CADM2: variants seen among roughly 807,000 people sequenced by gnomAD.
CADM2 encodes the protein cell adhesion molecule 2.
In CADM2, 12 loss-of-function variants were observed where a neutral mutation model predicts 49.8. That is an observed-to-expected ratio of 0.24 (90% CI 0.15 to 0.39). The LOEUF is 0.39. Ranked by LOEUF, CADM2 falls within the 10% of genes least tolerant of loss-of-function variation. The probability of loss-of-function intolerance (pLI) is 1.00; values close to 1 mark genes in which losing one functional copy is unlikely to be tolerated. For synonymous variants in CADM2, 214 were observed against 175.4 expected (o/e 1.22, Z -1.74); for missense variants, 378 against 492.3 (o/e 0.77, Z 2.20).
chr3:85,384,603 C>T (rs1163250649), intron 1 of CADM2, among the ~76,000 whole-genome samples: 1 of 151,918 alleles, frequency 6.6e-6, no homozygotes, highest in Non-Finnish European at 1.5e-5. Flanking sequence ...CGTCAGCCAC[C>T]GCGCCCGCCC....
intron 3 of CADM2, among the ~76,000 whole-genome samples, chr3:85,882,480 G>A (rs1368647836): frequency 1.3e-5 from 2 of 152,008 alleles, no homozygotes; most frequent in Non-Finnish European, 2.9e-5. Flanking sequence ...GATTTTCCTC[G>A]GGTGCTGGTG....
At chr3:85,914,893 T>G (rs1417267934) in intron 6 of CADM2, among the ~76,000 whole-genome samples, 1 of 152,070 alleles carries the variant, frequency 6.6e-6, no homozygotes, top group Non-Finnish European at 1.5e-5. Flanking sequence ...AAAATGAAAA[T>G]ATTGTAGGTT....
At chr3:85,623,348 T>C (rs959737967) in intron 1 of CADM2, among the ~76,000 whole-genome samples, 1 of 152,192 alleles carries the variant, frequency 6.6e-6, no homozygotes, top group Non-Finnish European at 1.5e-5. Flanking sequence ...ATTTTGATTA[T>C]ACGTTATATG....
intron 1 of CADM2, among the ~76,000 whole-genome samples, chr3:85,663,993 T>C (rs2065488190): frequency 6.6e-6 from 1 of 152,026 alleles, no homozygotes; most frequent in Admixed American, 6.6e-5. Context: ...ATGCACTTGG[T>C]TACTGACTCC....
At chr3:85,602,458 A>G (rs1576909181) in intron 1 of CADM2, among the ~76,000 whole-genome samples, 1 of 151,816 alleles carries the variant, frequency 6.6e-6, no homozygotes, top group African/African-American at 2.4e-5. Context: ...ATGAGACTTA[A>G]TCTCTACATT....
intron 1 of CADM2, among the ~76,000 whole-genome samples, chr3:85,479,601 A>G (rs1332661167): frequency 6.6e-6 from 1 of 151,920 alleles, no homozygotes; most frequent in Non-Finnish European, 1.5e-5. Context: ...TGACACTTCA[A>G]TGCATCTCCA....
chr3:85,917,369 T>C (rs2108494279), intron 6 of CADM2, among the ~76,000 whole-genome samples: 1 of 152,314 alleles, frequency 6.6e-6, no homozygotes, highest in Middle Eastern at 3.4e-3. Flanking sequence ...TGGATCCAGT[T>C]TCAGCTTTCT....
At chr3:85,070,584 A>T (rs1207349758) in intron 1 of CADM2, among the ~76,000 whole-genome samples, 3 of 28,280 alleles carry the variant, frequency 1.1e-4, no homozygotes, top group Admixed American at 7.3e-4. Context: ...ACTATATCCT[A>T]AGCTATAAAA....
At chr3:85,290,061 T>G (rs1269708403) in intron 1 of CADM2, among the ~76,000 whole-genome samples, 1 of 152,038 alleles carries the variant, frequency 6.6e-6, no homozygotes, top group Non-Finnish European at 1.5e-5. Context: ...TGCCAGACAG[T>G]GGGCGCAGGT....
At chr3:84,999,138 G>T (rs1340785682) in intron 1 of CADM2, among the ~76,000 whole-genome samples, 1 of 152,088 alleles carries the variant, frequency 6.6e-6, no homozygotes, top group Non-Finnish European at 1.5e-5. Context: ...AACACTTTTG[G>T]AGAGGTTTAT....
At chr3:86,008,352 T>C (rs1045539483) in intron 8 of CADM2, among the ~76,000 whole-genome samples, 10 of 152,074 alleles carry the variant, frequency 6.6e-5, no homozygotes, top group African/African-American at 2.4e-4. Flanking sequence ...AGGTCATCTA[T>C]ATAGCACATT....
chr3:86,064,017 T>G (rs1283481336), intron 8 of CADM2, among the ~76,000 whole-genome samples: 1 of 151,912 alleles, frequency 6.6e-6, no homozygotes, highest in Non-Finnish European at 1.5e-5. Context: ...GTCTGGGTAT[T>G]CTTTTGACCT....
intron 1 of CADM2, among the ~76,000 whole-genome samples, chr3:85,422,941 C>G (rs1263049471): frequency 6.6e-6 from 1 of 152,088 alleles, no homozygotes; most frequent in African/African-American, 2.4e-5. Context: ...GTGTGACAGC[C>G]TTTTTGGGTT....
intron 1 of CADM2, among the ~76,000 whole-genome samples, chr3:85,611,796 G>A (rs368541333): frequency 1.3e-5 from 2 of 151,466 alleles, no homozygotes; most frequent in Non-Finnish European, 3.0e-5. Flanking sequence ...AAGAAAATGT[G>A]TGTGTGTTGA....
intron 1 of CADM2, among the ~76,000 whole-genome samples, chr3:85,103,968 T>C (rs963719792): frequency 3.3e-5 from 5 of 152,140 alleles, no homozygotes; most frequent in Non-Finnish European, 5.9e-5. Flanking sequence ...GAAATAAATT[T>C]GATGATTTAG....
chr3:85,782,834 C>T (rs2070740781), intron 2 of CADM2, among the ~76,000 whole-genome samples: 1 of 151,936 alleles, frequency 6.6e-6, no homozygotes, highest in Non-Finnish European at 1.5e-5. Context: ...AAAGTGATAG[C>T]CACTCCCCTG....
intron 1 of CADM2, among the ~76,000 whole-genome samples, chr3:84,982,483 C>A (rs917398243): frequency 6.6e-6 from 1 of 151,390 alleles, no homozygotes; most frequent in Non-Finnish European, 1.5e-5. Flanking sequence ...ACTAATTACA[C>A]GTTTAGGTTT....
At chr3:85,964,998 G>T (rs1002766547) in intron 8 of CADM2, among the ~76,000 whole-genome samples, 1 of 151,428 alleles carries the variant, frequency 6.6e-6, no homozygotes, top group Non-Finnish European at 1.5e-5. Context: ...GAAGAACTAG[G>T]ATCAAGATAA....
intron 3 of CADM2, among the ~76,000 whole-genome samples, chr3:85,850,280 A>G (rs2075045969): frequency 6.8e-6 from 1 of 147,980 alleles, no homozygotes; most frequent in South Asian, 2.1e-4. Context: ...CAGTGTGGCT[A>G]CCTAACTGCT....
Sources: allele counts gnomAD v4.1 joint callset (sites outside exome capture counted in the v4.1 genomes callset), GRCh38; gene constraint gnomAD v4.1.1; transcripts MANE v1.5; gene names NCBI Gene and HGNC (gene_info 2026-07-23, HGNC 2026-07-21).